The following EXO5 variants were observed in gnomAD, a reference collection of about 807,000 sequenced individuals.
EXO5 encodes exonuclease V.
Under a neutral mutation model 17.8 loss-of-function variants are expected in EXO5, and 11 were observed. The observed-to-expected ratio is 0.62, with a 90% CI of 0.39 to 1.02. EXO5 has a LOEUF of 1.02. EXO5 is among the 50% of genes least tolerant of loss of function. EXO5 has a pLI of 0.00. For synonymous variants in EXO5, 147 were observed against 166.5 expected (o/e 0.88, Z 0.90); for missense variants, 364 against 434.8 (o/e 0.84, Z 1.45).
At position 40,515,324 on chromosome 1, in the gene EXO5, G is replaced by GCAT; in HGVS notation, c.780_781insCAT (p.Gln260_Gly261insHis). On this transcript the variant is annotated inframe_insertion, in exon 4 of 4. Transcript: ENST00000415550. ...CATCAGTGCTGAGGCATGCCCAGCA[G>GCAT]GGAGGCTTCTCTGTGAAGTCTTTGG... 6.2e-7 allele frequency: 1 copy of GCAT among 1,614,030 alleles called. No individual in the cohort carries two copies. The highest frequency in any genetic ancestry group is 8.5e-7 in the Non-Finnish European group (1 of 1,180,028).
intron 3 of EXO5, among the ~76,000 whole-genome samples, chr1:40,512,768 AT>A (rs1645803137): frequency 6.6e-6 from 1 of 151,900 alleles, no homozygotes; most frequent in Non-Finnish European, 1.5e-5. Context: ...CACCCGGCTA[AT>A]TTTTTGTATT....
intron 1 of EXO5, chr1:40,509,164 TAC>T (rs1288921924): frequency 6.6e-6 from 1 of 152,262 alleles, no homozygotes; most frequent in Admixed American, 6.5e-5. Flanking sequence ...AAGTGCTCAG[TAC>T]ACTTTAGGGC....
chr1:40,515,615 C>G lies in EXO5; in HGVS notation c.1071C>G (p.Gly357=). 1 of 1,612,988 alleles carries G rather than the reference C, an allele frequency of 6.2e-7. No individual in the cohort carries two copies. Among genetic ancestry groups the G allele is most frequent in the Non-Finnish European group, 8.5e-7 (1 of 1,179,788 alleles). Reference sequence around the variant, plus strand: ...CAGACATTTGTGAGTGGAGAAAGGGCAGTGGAGTGCTCAGCTCTACACTGG... The same window carrying G: ...CAGACATTTGTGAGTGGAGAAAGGGGAGTGGAGTGCTCAGCTCTACACTGG... ...TYADICEWRK[G]SGVLSSTLAP... The change falls in exon 4 of 4, where the codon GGC becomes GGG. Residue 357 remains glycine, a synonymous_variant. Transcript: ENST00000415550.
At chr1:40,510,586 T>C (rs4604685) in intron 3 of EXO5, among the ~76,000 whole-genome samples, 22,510 of 152,236 alleles carry the variant, frequency 0.15, 1,851 homozygotes, top group Middle Eastern at 0.24. Context: ...AGGAACTCCA[T>C]ACATTTCAGG....
intron 3 of EXO5, among the ~76,000 whole-genome samples, chr1:40,510,127 A>T (rs7536161): frequency 6.4e-4 from 97 of 152,056 alleles, no homozygotes; most frequent in African/African-American, 1.8e-3. Flanking sequence ...CCAGCATCCC[A>T]TTCACTTACT....
chr1:40,515,407 A>G lies in EXO5; in HGVS notation c.863A>G (p.Asp288Gly). 1.2e-6 allele frequency: 2 copies of G among 1,613,978 alleles called. No homozygotes were observed. Among genetic ancestry groups the G allele is most frequent in the Non-Finnish European group, 1.7e-6 (2 of 1,179,970 alleles). The change falls in exon 4 of 4, where the codon GAT becomes GGT. Residue 288 changes from aspartate (D) to glycine (G), a missense_variant. Coordinates refer to ENST00000415550, the MANE Select transcript of EXO5 (RefSeq NM_001346953.2). Reference protein sequence around the residue: ...SLTLSDLPVIDILKIEYIHQE... With the variant: ...SLTLSDLPVIGILKIEYIHQE... ...ACACTGTCAGACCTCCCAGTTATTG[A>G]TATCTTGAAGATTGAGTATATCCAC...
At position 40,514,835 on chromosome 1, in the gene EXO5, A is replaced by G. The variant is rs1645849766; in HGVS notation, c.291A>G (p.Ala97=). 1 of 1,614,100 alleles carries G rather than the reference A, an allele frequency of 6.2e-7. No homozygotes were observed. Among genetic ancestry groups the G allele is most frequent in the Non-Finnish European group, 8.5e-7 (1 of 1,180,050 alleles). Residue 97 remains alanine (A), a synonymous_variant, in exon 4 of 4, where the codon GCA becomes GCG. Transcript: ENST00000415550. The stretch of plus-strand genomic sequence containing the variant: ...AGAACTGGTGTGAACTGCAAACAGC[A>G]TATGGGAAGGAGCTTCCTGGTTTCT... ...ATQNWCELQT[A]YGKELPGFLA... is the part of the protein sequence containing the mutation.
At position 40,515,348 on chromosome 1, in the gene EXO5, G is replaced by T; in HGVS notation, c.804G>T (p.Leu268Phe). Reference protein sequence around the residue: ...AQQGGFSVKSLGDLMELVFLS... With the variant: ...AQQGGFSVKSFGDLMELVFLS... Reference sequence around the variant, plus strand: ...AGGGAGGCTTCTCTGTGAAGTCTTTGGGTGACCTCATGGAACTTGTCTTCT... The same window carrying T: ...AGGGAGGCTTCTCTGTGAAGTCTTTTGGTGACCTCATGGAACTTGTCTTCT... Residue 268 changes from leucine (L) to phenylalanine (F), a missense_variant, in exon 4 of 4, where the codon TTG (leucine) becomes TTT (phenylalanine). Physicochemically the swap from Leu to Phe is conservative, Grantham distance 22. Transcript: ENST00000415550. 6.2e-7 allele frequency: 1 copy of T among 1,614,090 alleles called. No homozygotes were observed. Among genetic ancestry groups the T allele is most frequent in the South Asian group, 1.1e-5 (1 of 91,070 alleles).
In EXO5 at chr1:40,514,801, T is replaced by C; in HGVS notation, c.257T>C (p.Leu86Pro). ...CTTAAATATTTATATGTCACTGACC[T>C]GGCTACTCAGAACTGGTGTGAACTG... Reference protein sequence around the residue: ...FHLKYLYVTDLATQNWCELQT... With the variant: ...FHLKYLYVTDPATQNWCELQT... The change falls in exon 4 of 4, where the codon CTG becomes CCG. Residue 86 changes from leucine to proline, a missense_variant. Transcript: ENST00000415550. 1 of 1,614,206 alleles carries C rather than the reference T, an allele frequency of 6.2e-7. No homozygotes were observed. Among genetic ancestry groups the C allele is most frequent in the South Asian group, 1.1e-5 (1 of 91,086 alleles).
chr1:40,513,773 G>C, intron 3 of EXO5, among the ~76,000 whole-genome samples: 1 of 151,540 alleles, frequency 6.6e-6, no homozygotes, highest in East Asian at 2.0e-4. Context: ...ATTTTTAGTA[G>C]AGATGGGGTT....
chr1:40,511,059 C>A (rs1350257126), intron 3 of EXO5, among the ~76,000 whole-genome samples: 2 of 152,078 alleles, frequency 1.3e-5, no homozygotes, highest in African/African-American at 4.8e-5. Context: ...CACGATGAAA[C>A]CCCGTCTCTA....
rs144812647 is a variant in EXO5 at position 40,515,128 on chromosome 1, C to T, written c.584C>T (p.Ala195Val). The T allele has an allele frequency of 6.5e-5, 105 of 1,613,992 alleles. No individual in the cohort carries two copies. The highest frequency in any genetic ancestry group is 1.6e-4 in the Middle Eastern group (1 of 6,062). ...ACAGCCAAGGGGGAACTGGAGCTGG[C>T]GGAACTCAAGACACGCAGGCGCCCT... is the stretch of plus-strand genomic sequence containing the variant. The part of the protein sequence containing the change: ...HYTAKGELEL[A>V]ELKTRRRPML... The change falls in exon 4 of 4, where the codon GCG becomes GTG. Residue 195 changes from alanine (A) to valine (V), a missense_variant. Coordinates refer to ENST00000415550, the MANE Select transcript of EXO5 (RefSeq NM_001346953.2).
At chr1:40,512,079 G>A (rs748343123) in intron 3 of EXO5, among the ~76,000 whole-genome samples, 4 of 152,030 alleles carry the variant, frequency 2.6e-5, no homozygotes, top group African/African-American at 4.8e-5. Context: ...AGGTTTCACC[G>A]TGTTAGTCAG....
At chr1:40,512,192 A>G (rs1645792013) in intron 3 of EXO5, among the ~76,000 whole-genome samples, 1 of 152,218 alleles carries the variant, frequency 6.6e-6, no homozygotes. Flanking sequence ...GTTTCTTAAG[A>G]TTAAAAAATA....
rs765113648 is a variant in EXO5, at chr1:40,515,467, T to C, written c.923T>C (p.Val308Ala). The C allele has an allele frequency of 1.2e-5, 20 of 1,613,716 alleles. No individual in the cohort carries two copies. The highest frequency in any genetic ancestry group is 1.5e-5 in the Non-Finnish European group (18 of 1,179,942). The change falls in exon 4 of 4, where the codon GTA becomes GCA. Residue 308 changes from valine (V) to alanine (A), a missense_variant. Val to Ala is a moderately conservative substitution (Grantham distance 64). Transcript: ENST00000415550. ...GCCACTGTGCTGGGTACTGAGATTG[T>C]AGCCTTCAAAGAGAAGGAGGTGAGA... ...ETATVLGTEI[V>A]AFKEKEVRAK...
Position 40,515,132 on chromosome 1 carries a change from ACT to A in EXO5, c.590_591del (p.Leu197GlnfsTer29), listed in dbSNP as rs772944724. ...CCAAGGGGGAACTGGAGCTGGCGGA[ACT>A]CAAGACACGCAGGCGCCCTATGCTC... The part of the protein sequence containing the change: ...TAKGELELAE[L>X]KTRRRPMLPL... On this transcript the variant is annotated frameshift_variant, in exon 4 of 4. Transcript: ENST00000415550. LOFTEE classifies it high-confidence loss of function. The A allele has an allele frequency of 4.3e-6, 7 of 1,613,916 alleles. No individual in the cohort carries two copies. In the African/African-American group the frequency reaches 6.7e-5, roughly 15 times the overall value.
rs143630859 is a variant in EXO5 at position 40,515,081 on chromosome 1, A to C, written c.537A>C (p.Gly179=). The C allele has an allele frequency of 1.2e-4, 188 of 1,614,004 alleles. No homozygotes were observed. In the African/African-American group the frequency reaches 1.5e-3, roughly 13 times the overall value. Residue 179 remains glycine, a synonymous_variant, in exon 4 of 4, where the codon GGA becomes GGC. Coordinates refer to ENST00000415550, the MANE Select transcript of EXO5 (RefSeq NM_001346953.2). ...FGEGEGVLLV[G]VIDELHYTAK... ...AAGGGGAGGGTGTACTTCTTGTTGGAGTGATTGATGAGCTGCACTATACAG... is the reference window on the plus strand; with the variant it reads ...AAGGGGAGGGTGTACTTCTTGTTGGCGTGATTGATGAGCTGCACTATACAG...
chr1:40,514,886 G>A lies in EXO5; in HGVS notation c.342G>A (p.Leu114=). ...GFLAPEKAAV[L]DTGASIHLAR... is the part of the protein sequence containing the mutation. ...TGGCACCTGAGAAGGCAGCTGTGTTGGACACTGGTGCCAGCATACACCTAG... is the reference window on the plus strand; with the variant it reads ...TGGCACCTGAGAAGGCAGCTGTGTTAGACACTGGTGCCAGCATACACCTAG... Residue 114 remains leucine, a synonymous_variant, in exon 4 of 4, where the codon TTG becomes TTA. Coordinates refer to ENST00000415550, the MANE Select transcript of EXO5 (RefSeq NM_001346953.2). 6.2e-7 allele frequency: 1 copy of A among 1,613,996 alleles called. No individual in the cohort carries two copies. Among genetic ancestry groups the A allele is most frequent in the Non-Finnish European group, 8.5e-7 (1 of 1,179,892 alleles).
Position 40,514,525 on chromosome 1 carries a change from G to A in EXO5, c.-20G>A, listed in dbSNP as rs745740081. 6.3e-7 allele frequency: 1 copy of A among 1,586,452 alleles called. No individual in the cohort carries two copies. The highest frequency in any genetic ancestry group is 1.2e-5 in the South Asian group (1 of 86,898). Reference sequence around the variant, plus strand: ...TAACATGTTATGCAGGGCCCTTCTAGCCCAATCCAGAGCTGTACCATGGCA... The same window carrying A: ...TAACATGTTATGCAGGGCCCTTCTAACCCAATCCAGAGCTGTACCATGGCA... On this transcript the variant is annotated 5_prime_UTR_variant, in exon 4 of 4. The change abolishes the stop of an existing upstream ORF in the 5' untranslated region. Coordinates refer to ENST00000415550, the MANE Select transcript of EXO5 (RefSeq NM_001346953.2).
Sources: gnomAD v4.1 joint callset for allele counts (sites outside exome capture counted in the v4.1 genomes callset) on GRCh38, gnomAD v4.1.1 for gene constraint, MANE v1.5 for transcripts, NCBI Gene and HGNC (gene_info 2026-07-23, HGNC 2026-07-21) for gene names.